The following CBFA2T3 variants were observed in gnomAD, a reference collection of about 807,000 sequenced individuals.
CBFA2T3 encodes the protein transcriptional corepressor CBFA2T3.
CBFA2T3 carries 31 observed loss-of-function variants against 58.6 expected under a neutral mutation model. The observed-to-expected ratio is 0.53, with a 90% confidence interval of 0.40 to 0.71. CBFA2T3 has a LOEUF of 0.71. CBFA2T3 is among the 30% of genes least tolerant of loss of function. The pLI, the probability that CBFA2T3 is intolerant of heterozygous loss-of-function variation, is 0.00. For missense variants in CBFA2T3, 1,076 were observed against 963.1 expected, an observed-to-expected ratio of 1.12 and a Z score of -1.55; for synonymous variants, 531 against 421.9, an observed-to-expected ratio of 1.26 and a Z score of -3.17.
At chr16:88,967,044 A>C (rs1209568041) in intron 1 of CBFA2T3, among the ~76,000 whole-genome samples, 1 of 152,136 alleles carries the variant, frequency 6.6e-6, no homozygotes, top group Non-Finnish European at 1.5e-5. Flanking sequence ...TAGCACGGGA[A>C]ATTGACGCAC....
At chr16:88,969,655 G>A (rs1168255750) in intron 1 of CBFA2T3, among the ~76,000 whole-genome samples, 3 of 152,220 alleles carry the variant, frequency 2.0e-5, no homozygotes, top group Non-Finnish European at 4.4e-5. Context: ...GGGCCGGCCT[G>A]ACGACGCACA....
chr16:88,897,546 G>C (rs1175690884), intron 3 of CBFA2T3, among the ~76,000 whole-genome samples: 1 of 152,246 alleles, frequency 6.6e-6, no homozygotes, highest in Non-Finnish European at 1.5e-5. Context: ...TGAGCTCTCA[G>C]CATGTGCCCG....
At chr16:88,917,145 G>T (rs944891158) in intron 1 of CBFA2T3, among the ~76,000 whole-genome samples, 1 of 152,054 alleles carries the variant, frequency 6.6e-6, no homozygotes, top group Non-Finnish European at 1.5e-5. Flanking sequence ...TGAGATCATC[G>T]GCTGTCGGCT....
intron 1 of CBFA2T3, among the ~76,000 whole-genome samples, chr16:88,929,829 C>T (rs371342205): frequency 6.6e-6 from 1 of 151,404 alleles, no homozygotes; most frequent in Non-Finnish European, 1.5e-5. Flanking sequence ...TACCAATACC[C>T]ACAGCTGCAT....
intron 1 of CBFA2T3, among the ~76,000 whole-genome samples, chr16:88,903,973 G>A (rs1255855844): frequency 1.3e-5 from 2 of 152,260 alleles, no homozygotes; most frequent in African/African-American, 4.8e-5. Context: ...CTGGACGGGC[G>A]CTCGTAGGAT....
chr16:88,969,649 C>T (rs568142302), intron 1 of CBFA2T3, among the ~76,000 whole-genome samples: 3 of 152,310 alleles, frequency 2.0e-5, no homozygotes, highest in East Asian at 1.9e-4. Flanking sequence ...GGGGCGGGGC[C>T]GGCCTGACGA....
chr16:88,910,062 TC>T (rs1384032229), intron 1 of CBFA2T3, among the ~76,000 whole-genome samples: 1 of 152,102 alleles, frequency 6.6e-6, no homozygotes, highest in Non-Finnish European at 1.5e-5. Context: ...TGCCTGGCTG[TC>T]CCCTCTGGCC....
intron 1 of CBFA2T3, among the ~76,000 whole-genome samples, chr16:88,925,553 C>T (rs1465845108): frequency 2.0e-5 from 3 of 152,184 alleles, no homozygotes; most frequent in Admixed American, 1.3e-4. Context: ...GGGTGGCAGG[C>T]GGGACAGGCA....
At chr16:88,962,251 G>A (rs541643279) in intron 1 of CBFA2T3, among the ~76,000 whole-genome samples, 34 of 152,354 alleles carry the variant, frequency 2.2e-4, no homozygotes, top group African/African-American at 7.7e-4. Flanking sequence ...CTCAGCACTC[G>A]GCTTTCCCAC....
At chr16:88,920,934 C>T (rs1403542184) in intron 1 of CBFA2T3, among the ~76,000 whole-genome samples, 1 of 152,284 alleles carries the variant, frequency 6.6e-6, no homozygotes, top group East Asian at 1.9e-4. Context: ...TCTTGGAGAG[C>T]AGCGGGACGG....
chr16:88,879,152 G>T, intron 11 of CBFA2T3, 118 bp downstream of exon 11: 1 of 849,608 alleles, frequency 1.2e-6, no homozygotes, highest in Non-Finnish European at 1.9e-6. Context: ...CCTGCTGCAG[G>T]ATGCCCGTGA....
In CBFA2T3 at chr16:88,875,054, C is replaced by T. The variant is rs994963130; in HGVS notation, c.*1922G>A. The T allele has an allele frequency of 8.5e-6, 2 of 235,480 alleles. No individual in the cohort carries two copies. Among genetic ancestry groups the T allele is most frequent in the African/African-American group, 4.4e-5 (2 of 45,086 alleles). The allele number at this position is 235,480 out of a possible 1,614,324, so 14.6% of individuals were successfully genotyped here. A position where few individuals can be genotyped will look rare whatever the true frequency, so the allele number is the denominator to read the frequency against. On this transcript the variant is annotated 3_prime_UTR_variant, in exon 12 of 12. Transcript: ENST00000268679. The stretch of plus-strand genomic sequence containing the variant: ...GTTCCTAGAACTCCTGATAGCCACG[C>T]ACACAGATGCCAGGCCACGGGCCAC...
intron 2 of CBFA2T3, among the ~76,000 whole-genome samples, chr16:88,900,021 A>G (rs191322662): frequency 1.6e-4 from 25 of 152,338 alleles, no homozygotes; most frequent in African/African-American, 5.5e-4. Context: ...TGACAAGGAC[A>G]TGTGAGAAAA....
chr16:88,898,374 C>T (rs760344208), intron 2 of CBFA2T3, among the ~76,000 whole-genome samples: 21 of 152,220 alleles, frequency 1.4e-4, no homozygotes, highest in African/African-American at 3.9e-4. Flanking sequence ...CCCTCAGGGA[C>T]GCCCGGGCCG....
chr16:88,907,657 G>A (rs1038778463), intron 1 of CBFA2T3, among the ~76,000 whole-genome samples: 2 of 152,220 alleles, frequency 1.3e-5, no homozygotes, highest in Non-Finnish European at 2.9e-5. Flanking sequence ...GGCCACAGAG[G>A]GCACCTGCAG....
chr16:88,951,548 G>A, intron 1 of CBFA2T3: 1 of 364,072 alleles, frequency 2.7e-6, no homozygotes, highest in Non-Finnish European at 5.3e-6. Flanking sequence ...AAATCAGGGT[G>A]GCGACCGGGT....
Position 88,879,410 on chromosome 16 carries a change from C to A in CBFA2T3, c.1522G>T (p.Ala508Ser). ...GCTTTGCGCTCCGCGTCCGACACGG[C>A]TTTCTGCAGCTCCGACATGGCCTGC... ...KRQAMSELQK[A>S]VSDAERKAHE... Residue 508 changes from alanine (A) to serine (S), a missense_variant, in exon 11 of 12, where the codon GCC (alanine) becomes TCC (serine). Ala to Ser is a moderately conservative substitution (Grantham distance 99, BLOSUM62 1). Coordinates refer to ENST00000268679, the MANE Select transcript of CBFA2T3 (RefSeq NM_005187.6). The A allele has an allele frequency of 1.2e-6, 2 of 1,613,104 alleles. No individual in the cohort carries two copies. The highest frequency in any genetic ancestry group is 2.2e-5 in the South Asian group (2 of 91,076).
intron 1 of CBFA2T3, among the ~76,000 whole-genome samples, chr16:88,918,854 G>A (rs551834680): frequency 1.3e-5 from 2 of 152,366 alleles, no homozygotes; most frequent in African/African-American, 2.4e-5. Flanking sequence ...CTGCAGGCTC[G>A]CCGGGTTATC....
In CBFA2T3 at chr16:88,886,119, C is replaced by A; in HGVS notation, c.735G>T (p.Arg245=). ...FLKANLPLLQ[R]ELLHCARLAK... is the part of the protein sequence containing the mutation. ...CCAGGCGTGCACAGTGCAGGAGCTCCCGCTGCAGCAAGGGCAGGTTTGCCT... is the reference window on the plus strand; with the variant it reads ...CCAGGCGTGCACAGTGCAGGAGCTCACGCTGCAGCAAGGGCAGGTTTGCCT... Residue 245 remains arginine, a synonymous_variant, in exon 6 of 12, where the codon CGG becomes CGT. Transcript: ENST00000268679. The A allele has an allele frequency of 1.3e-6, 2 of 1,551,592 alleles. No individual in the cohort carries two copies. The highest frequency in any genetic ancestry group is 1.2e-5 in the South Asian group (1 of 84,378).
Sources: gnomAD v4.1 joint callset for allele counts (sites outside exome capture counted in the v4.1 genomes callset) on GRCh38, gnomAD v4.1.1 for gene constraint, MANE v1.5 for transcripts, NCBI Gene and HGNC (gene_info 2026-07-23, HGNC 2026-07-21) for gene names.